The following DPP6 variants were observed in gnomAD, a reference collection of about 807,000 sequenced individuals.
DPP6 encodes dipeptidyl peptidase like 6, also known as A-type potassium channel modulatory protein DPP6.
In DPP6, 69 loss-of-function variants were observed where a neutral mutation model predicts 122.6. The observed-to-expected ratio is 0.56, with a 90% CI of 0.46 to 0.69. The LOEUF is 0.69. Among genes scored for constraint, DPP6 ranks in the 30% least tolerant of loss-of-function variants. The pLI, the probability that DPP6 is intolerant of heterozygous loss-of-function variation, is 0.00. For missense variants in DPP6, 928 were observed against 1,116.9 expected (o/e 0.83, Z 2.41); for synonymous variants, 418 against 433.1 (o/e 0.97, Z 0.43).
chr7:154,777,025 G>T (rs1796617790), intron 10 of DPP6, among the ~76,000 whole-genome samples: 1 of 152,210 alleles, frequency 6.6e-6, no homozygotes, highest in Admixed American at 6.5e-5. Flanking sequence ...CTGTTTGTTT[G>T]CTTGTTAACT....
intron 1 of DPP6, among the ~76,000 whole-genome samples, chr7:154,176,767 C>T (rs578023630): frequency 7.4e-4 from 112 of 152,338 alleles, no homozygotes; most frequent in African/African-American, 2.6e-3. Flanking sequence ...CAGCGCGTGC[C>T]TGGGGCTTTC....
chr7:154,638,361 A>G (rs1835858053), intron 6 of DPP6, among the ~76,000 whole-genome samples: 1 of 152,198 alleles, frequency 6.6e-6, no homozygotes, highest in South Asian at 2.1e-4. Context: ...GACATTCAGC[A>G]GTGCATTGGG....
At chr7:154,181,440 CA>C (rs1280486290) in intron 1 of DPP6, among the ~76,000 whole-genome samples, 1 of 152,126 alleles carries the variant, frequency 6.6e-6, no homozygotes, top group Non-Finnish European at 1.5e-5. Context: ...TTATGTAAGA[CA>C]TGACCCTCTC....
the DPP6 span, among the ~76,000 whole-genome samples, chr7:153,807,856 C>T: frequency 1.3e-5 from 2 of 151,974 alleles, no homozygotes; most frequent in African/African-American, 4.8e-5. Flanking sequence ...TGAAAGAAGC[C>T]TCTACCTGGA....
the DPP6 span, among the ~76,000 whole-genome samples, chr7:153,754,362 T>G: frequency 6.6e-6 from 1 of 152,180 alleles, no homozygotes; most frequent in Non-Finnish European, 1.5e-5. Context: ...TTTTCAGCAC[T>G]TTAAAGATGG....
intron 10 of DPP6, among the ~76,000 whole-genome samples, chr7:154,784,589 A>T (rs1383639524): frequency 2.0e-5 from 3 of 152,198 alleles, no homozygotes; most frequent in Admixed American, 1.3e-4. Context: ...TTGGTGAGAA[A>T]GCCAGCTCAA....
intron 1 of DPP6, among the ~76,000 whole-genome samples, chr7:154,381,679 AG>A (rs2151143303): frequency 1.3e-5 from 2 of 152,342 alleles, no homozygotes; most frequent in East Asian, 3.9e-4. Flanking sequence ...AAACATAAAA[AG>A]ATAATTATAG....
chr7:153,786,610 GCA>G, the DPP6 span, among the ~76,000 whole-genome samples: 1 of 151,592 alleles, frequency 6.6e-6, no homozygotes, highest in Admixed American at 6.6e-5. Context: ...GTGGTGGCGC[GCA>G]CCTGTAGTCC....
At chr7:154,284,146 G>C (rs1296656895) in intron 1 of DPP6, among the ~76,000 whole-genome samples, 1 of 152,048 alleles carries the variant, frequency 6.6e-6, no homozygotes, top group Non-Finnish European at 1.5e-5. Context: ...AACCCCACTG[G>C]GTCTTCTGTC....
intron 1 of DPP6, among the ~76,000 whole-genome samples, chr7:154,080,315 C>G (rs1803895941): frequency 6.6e-6 from 1 of 152,098 alleles, no homozygotes; most frequent in South Asian, 2.1e-4. Flanking sequence ...CATCCAAGAT[C>G]AAGGTGTGGA....
chr7:154,274,814 A>G (rs1357129199), intron 1 of DPP6, among the ~76,000 whole-genome samples: 1 of 152,216 alleles, frequency 6.6e-6, no homozygotes, highest in African/African-American at 2.4e-5. Flanking sequence ...TTCTGAAGTC[A>G]CTGTTTCTCT....
intron 1 of DPP6, among the ~76,000 whole-genome samples, chr7:154,130,922 G>C (rs1474978994): frequency 6.6e-6 from 1 of 152,174 alleles, no homozygotes; most frequent in African/African-American, 2.4e-5. Flanking sequence ...AGGTCCTTCA[G>C]AAACACATTG....
At chr7:154,066,574 A>G (rs1802744450) in intron 1 of DPP6, among the ~76,000 whole-genome samples, 5 of 152,306 alleles carry the variant, frequency 3.3e-5, no homozygotes, top group South Asian at 4.1e-4. Context: ...GGAGGGGTGC[A>G]TGGGAAGGGG....
chr7:154,555,152 A>G (rs1274683084), intron 4 of DPP6, among the ~76,000 whole-genome samples: 1 of 152,204 alleles, frequency 6.6e-6, no homozygotes, highest in African/African-American at 2.4e-5. Context: ...AGAAAGTGCA[A>G]CCAAACCAAA....
chr7:154,274,746 A>G (rs1013790890), intron 1 of DPP6, among the ~76,000 whole-genome samples: 6 of 152,196 alleles, frequency 3.9e-5, no homozygotes, highest in African/African-American at 1.4e-4. Flanking sequence ...GCCTATGTGT[A>G]TATTAGGCTC....
In DPP6 at chr7:154,231,205, C is replaced by T. The variant is rs888852483; in HGVS notation, c.243+178142C>T. On this transcript the variant is annotated intron_variant, in intron 1 of 25. Coordinates refer to ENST00000377770, the MANE Select transcript of DPP6 (RefSeq NM_130797.4). ...AGGTTTGATCTGGATCACCCTGTCT[C>T]GTATCTTGGAAATGATGTCTTTGAC... is the stretch of plus-strand genomic sequence containing the variant. Among the ~76,000 whole-genome samples, 7 of 152,264 alleles carry T rather than the reference C, an allele frequency of 4.6e-5. No homozygotes were observed. In the South Asian group the frequency reaches 1.2e-3, roughly 27 times the overall value.
At chr7:154,250,071 T>C (rs1009153109) in intron 1 of DPP6, among the ~76,000 whole-genome samples, 2 of 152,148 alleles carry the variant, frequency 1.3e-5, no homozygotes, top group African/African-American at 4.8e-5. Flanking sequence ...TGTTCCGTTC[T>C]AATTACCGGT....
intron 2 of DPP6, among the ~76,000 whole-genome samples, chr7:154,459,222 C>A (rs965027142): frequency 5.3e-5 from 8 of 151,040 alleles, no homozygotes; most frequent in African/African-American, 1.9e-4. Context: ...ACTAAGTAAC[C>A]CCTTACAATG....
chr7:154,051,130 AC>A (rs1315788002), upstream of DPP6, among the ~76,000 whole-genome samples: 1 of 123,012 alleles, frequency 8.1e-6, no homozygotes, highest in Non-Finnish European at 1.8e-5. Context: ...TTATTTTGAA[AC>A]CCTAAGTGGA....
Sources: allele counts gnomAD v4.1 joint callset (sites outside exome capture counted in the v4.1 genomes callset), GRCh38; gene constraint gnomAD v4.1.1; transcripts MANE v1.5; gene names NCBI Gene and HGNC (gene_info 2026-07-23, HGNC 2026-07-21).